KIF26B: variants seen among roughly 807,000 people sequenced by gnomAD.
The protein encoded by KIF26B is kinesin-like protein KIF26B.
A neutral mutation model predicts 151.2 loss-of-function variants in KIF26B; 63 were observed. That is an observed-to-expected ratio of 0.42 (90% confidence interval 0.34 to 0.51). KIF26B has a LOEUF of 0.51. Ranked by LOEUF, KIF26B falls within the 20% of genes least tolerant of loss-of-function variation. The pLI is 0.07. For missense variants in KIF26B, 2,813 were observed against 2,913.6 expected (o/e 0.97, Z 0.79); for synonymous variants, 1,357 against 1,262.1 (o/e 1.08, Z -1.59).
chr1:245,319,005 C>T (rs1028568358), intron 2 of KIF26B, among the ~76,000 whole-genome samples: 1 of 152,146 alleles, frequency 6.6e-6, no homozygotes, highest in African/African-American at 2.4e-5. Flanking sequence ...AAATTGGCAA[C>T]AGTTTTGGGT....
Position 245,156,470 on chromosome 1 carries a change from C to G in KIF26B, c.252C>G (p.Ser84=). The G allele has an allele frequency of 1.3e-6, 2 of 1,526,708 alleles. No individual in the cohort carries two copies. Among genetic ancestry groups the G allele is most frequent in the Non-Finnish European group, 1.8e-6 (2 of 1,140,766 alleles). 94.6% of individuals were successfully genotyped at this position (1,526,708 alleles called of 1,614,324 possible). Reference sequence around the variant, plus strand: ...CGTCCCCGAGCTCGTTCACCGGCTCCCCGGGACCCGCCTCCCCCGGCATCG... The same window carrying G: ...CGTCCCCGAGCTCGTTCACCGGCTCGCCGGGACCCGCCTCCCCCGGCATCG... ...GTSSPSSFTG[S]PGPASPGIGT... is the part of the protein sequence containing the mutation. Residue 84 remains serine (S), a synonymous_variant, in exon 2 of 15, where the codon TCC becomes TCG. Coordinates refer to ENST00000407071, the MANE Select transcript of KIF26B (RefSeq NM_018012.4).
chr1:245,538,045 A>G (rs1661524829), intron 4 of KIF26B, among the ~76,000 whole-genome samples: 1 of 152,212 alleles, frequency 6.6e-6, no homozygotes, highest in Non-Finnish European at 1.5e-5. Context: ...GAAACTGGAA[A>G]GGAATGGCCA....
In KIF26B at chr1:245,322,138, C is replaced by T. The variant is rs1337079350; in HGVS notation, c.466-44696C>T. On this transcript the variant is annotated intron_variant, in intron 2 of 14. Transcript: ENST00000407071. ...ACACAGGAACAAAAAAACCAAACAC[C>T]GCATGTTCTCGCTCATAAGTAGGAG... Among the ~76,000 whole-genome samples, 12 of 152,196 alleles carry T rather than the reference C, an allele frequency of 7.9e-5. No individual in the cohort carries two copies. In the East Asian group the frequency reaches 2.1e-3, roughly 27 times the overall value.
chr1:245,468,314 G>C (rs1029042268), intron 4 of KIF26B, among the ~76,000 whole-genome samples: 2 of 152,162 alleles, frequency 1.3e-5, no homozygotes, highest in African/African-American at 4.8e-5. Context: ...ACAGAGGGGG[G>C]TCATTGGTTT....
At chr1:245,183,576 A>G (rs954610467) in intron 2 of KIF26B, among the ~76,000 whole-genome samples, 1 of 152,216 alleles carries the variant, frequency 6.6e-6, no homozygotes, top group Non-Finnish European at 1.5e-5. Flanking sequence ...CTAACAAAGC[A>G]TATGTAGTGG....
At chr1:245,553,056 C>A (rs1008826089) in intron 5 of KIF26B, among the ~76,000 whole-genome samples, 2 of 152,174 alleles carry the variant, frequency 1.3e-5, no homozygotes, top group African/African-American at 4.8e-5. Flanking sequence ...GATGGGGTGA[C>A]ACCATATGTT....
At chr1:245,402,289 T>A (rs758852696) in intron 3 of KIF26B, among the ~76,000 whole-genome samples, 1 of 152,180 alleles carries the variant, frequency 6.6e-6, no homozygotes, top group Non-Finnish European at 1.5e-5. Flanking sequence ...ACTCTGGGAT[T>A]TAAACAAAGC....
intron 9 of KIF26B, among the ~76,000 whole-genome samples, chr1:245,644,407 CTG>C (rs140824167): frequency 0.014 from 2,159 of 152,190 alleles, 41 homozygotes; most frequent in African/African-American, 0.049. Context: ...GTTGAAATAA[CTG>C]TTTTAATAAA....
Position 245,539,692 on chromosome 1 carries a change from A to T in KIF26B, c.1167-1075A>T, listed in dbSNP as rs147705077. 7.0e-3 allele frequency among the ~76,000 whole-genome samples: 1,069 copies of T among 152,186 alleles called. 13 individuals are homozygous for T. Among genetic ancestry groups the T allele is most frequent in the African/African-American group, 0.024 (992 of 41,508 alleles). On this transcript the variant is annotated intron_variant, in intron 4 of 14. Coordinates refer to ENST00000407071, the MANE Select transcript of KIF26B (RefSeq NM_018012.4). ...TTTTGAGACGGAGTCTCACTCTGTC[A>T]CCCAGCCTGGAGAGCAGTGGCGCTA...
intron 2 of KIF26B, among the ~76,000 whole-genome samples, chr1:245,301,919 G>T (rs1278697062): frequency 1.3e-5 from 2 of 152,160 alleles, no homozygotes; most frequent in Non-Finnish European, 2.9e-5. Context: ...ACCTTGAAAG[G>T]CTAAGTAGGA....
chr1:245,392,180 C>T (rs1343789725), intron 3 of KIF26B, among the ~76,000 whole-genome samples: 3 of 152,162 alleles, frequency 2.0e-5, no homozygotes, highest in East Asian at 1.9e-4. Context: ...CACCGGCCTT[C>T]GGCGTAATTA....
intron 2 of KIF26B, among the ~76,000 whole-genome samples, chr1:245,284,764 C>T (rs1369952916): frequency 2.0e-5 from 3 of 152,178 alleles, no homozygotes; most frequent in East Asian, 1.9e-4. Flanking sequence ...TTTGGCCGGG[C>T]GCAGTGGCTC....
At chr1:245,348,554 C>T (rs559438507) in intron 2 of KIF26B, among the ~76,000 whole-genome samples, 150 of 152,246 alleles carry the variant, frequency 9.9e-4, no homozygotes, top group African/African-American at 3.4e-3. Context: ...GTGGAGGGGG[C>T]GAGGAAGCTC....
At chr1:245,652,437 T>C (rs2044029931) in intron 10 of KIF26B, among the ~76,000 whole-genome samples, 1 of 152,202 alleles carries the variant, frequency 6.6e-6, no homozygotes, top group South Asian at 2.1e-4. Flanking sequence ...TCGAAGTCCC[T>C]TTTCTATGAG....
intron 4 of KIF26B, among the ~76,000 whole-genome samples, chr1:245,523,375 G>A (rs7516793): frequency 0.042 from 6,462 of 152,170 alleles, 458 homozygotes; most frequent in African/African-American, 0.15. Flanking sequence ...GTGCCCTTGA[G>A]CAATTCTCTA....
chr1:245,678,440 G>T (rs1318517664), intron 10 of KIF26B, among the ~76,000 whole-genome samples: 1 of 152,150 alleles, frequency 6.6e-6, no homozygotes, highest in Non-Finnish European at 1.5e-5. Context: ...GTCCTTAAGA[G>T]TGCGAGTGGT....
intron 9 of KIF26B, among the ~76,000 whole-genome samples, chr1:245,626,357 G>T (rs2043724304): frequency 6.6e-6 from 1 of 150,512 alleles, no homozygotes; most frequent in Non-Finnish European, 1.5e-5. Context: ...CCAACAGTGT[G>T]TAAGAGTTCC....
chr1:245,378,990 G>A (rs909843662), intron 3 of KIF26B, among the ~76,000 whole-genome samples: 5 of 152,184 alleles, frequency 3.3e-5, no homozygotes, highest in African/African-American at 1.2e-4. Context: ...ACTGAACCTT[G>A]AGCGCCATTT....
chr1:245,267,843 G>C (rs1443033959), intron 2 of KIF26B, among the ~76,000 whole-genome samples: 2 of 152,100 alleles, frequency 1.3e-5, no homozygotes, highest in African/African-American at 4.8e-5. Flanking sequence ...CTGGGTTGTG[G>C]GTGATATTTT....
Sources: gnomAD v4.1 joint callset for allele counts (sites outside exome capture counted in the v4.1 genomes callset) on GRCh38, gnomAD v4.1.1 for gene constraint, MANE v1.5 for transcripts, NCBI Gene and HGNC (gene_info 2026-07-23, HGNC 2026-07-21) for gene names.